Variants in WSB1 observed in about 807,000 individuals in gnomAD.
The protein encoded by WSB1 is WD repeat and SOCS box containing 1, also known as WD repeat and SOCS box-containing protein 1.
WSB1 carries 23 observed loss-of-function variants against 50.2 expected under a neutral mutation model. The observed-to-expected ratio is 0.46, with a 90% CI of 0.33 to 0.65. WSB1 has a LOEUF of 0.65. Among genes scored for constraint, WSB1 ranks in the 30% least tolerant of loss-of-function variants. The pLI is 0.02. For synonymous variants in WSB1, 179 were observed against 172.0 expected, an observed-to-expected ratio of 1.04 and a Z score of -0.32; for missense variants, 492 against 522.3, an observed-to-expected ratio of 0.94 and a Z score of 0.56.
At chr17:27,296,912 G>A (rs1455959240) in intron 1 of WSB1, among the ~76,000 whole-genome samples, 1 of 152,116 alleles carries the variant, frequency 6.6e-6, no homozygotes, top group Non-Finnish European at 1.5e-5. Context: ...AATTGTACCA[G>A]TATTTAATCT....
At chr17:27,307,629 A>G (rs1302167833) in intron 5 of WSB1, 78 of 1,076,460 alleles carry the variant, frequency 7.2e-5, no homozygotes, top group Non-Finnish European at 1.3e-6. Context: ...TTGGAAGTTT[A>G]AAGCAAGATA....
In WSB1 at chr17:27,311,558, C is replaced by G. The variant is rs1435384000; in HGVS notation, c.1048C>G (p.Pro350Ala). 6.2e-7 allele frequency: 1 copy of G among 1,611,644 alleles called. No homozygotes were observed. Among genetic ancestry groups the G allele is most frequent in the Admixed American group, 1.7e-5 (1 of 59,674 alleles). The change falls in exon 8 of 9, where the codon CCT becomes GCT. Residue 350 changes from proline (P) to alanine (A), a missense_variant. Coordinates refer to ENST00000262394, the MANE Select transcript of WSB1 (RefSeq NM_015626.10). ...TGAGGATTATCCAGTGCAAGTTGCA[C>G]CTTTGAGCAATGGTCTTTGCTGTGC... Reference protein sequence around the residue: ...IDEDYPVQVAPLSNGLCCAFS... With the variant: ...IDEDYPVQVAALSNGLCCAFS...
chr17:27,310,291 G>A lies in WSB1; in HGVS notation c.998+117G>A, dbSNP rs895170399. 40 of 842,296 alleles carry A rather than the reference G, an allele frequency of 4.7e-5. No individual in the cohort carries two copies. The African/African-American group carries it at 6.6e-4, about 14-fold the overall frequency. 52.2% of individuals were successfully genotyped at this position (842,296 alleles called of 1,614,324 possible). A position where few individuals can be genotyped will look rare whatever the true frequency, so the allele number is the denominator to read the frequency against. ...TCTTCCTCAACACAAGCCCCTGGGA[G>A]ATTTTGTTGTGTCTTAAAGAATATC... On this transcript the variant is annotated intron_variant, in intron 7 of 8. Transcript: ENST00000262394.
intron 5 of WSB1, chr17:27,308,074 G>C: frequency 8.7e-7 from 1 of 1,150,516 alleles, no homozygotes; most frequent in Non-Finnish European, 1.1e-6. Flanking sequence ...TTAATGTAAA[G>C]TATTTGGCTT....
At chr17:27,312,066 C>A (rs2017706336) in intron 8 of WSB1, 144 bp from the exon 9 acceptor site, 1 of 967,050 alleles carries the variant, frequency 1.0e-6, no homozygotes, top group Non-Finnish European at 1.5e-6. Context: ...TGGAATACAT[C>A]ATTGGTTAGT....
intron 3 of WSB1, 78 bp from the exon 4 acceptor site, chr17:27,304,702 A>AC (rs2017376016): frequency 6.9e-7 from 1 of 1,446,432 alleles, no homozygotes; most frequent in Admixed American, 1.9e-5. Flanking sequence ...ACAGAGTGAG[A>AC]CCCTGTCTCA....
chr17:27,300,145 A>G (rs1336159010), intron 1 of WSB1, among the ~76,000 whole-genome samples: 1 of 54,424 alleles, frequency 1.8e-5, no homozygotes, highest in East Asian at 3.3e-4. Flanking sequence ...GCATACATTC[A>G]GGCTGAAGAA....
At position 27,296,825 on chromosome 17, in the gene WSB1, C is replaced by T. The variant is rs57719886; in HGVS notation, c.40+2390C>T. On this transcript the variant is annotated intron_variant, in intron 1 of 8. Transcript: ENST00000262394. ...TTCTGTTGCTAACATTAAACAGTTA[C>T]AGATAATGTAATAAAGGTTTAACTT... Among the ~76,000 whole-genome samples, 258 of 152,304 alleles carry T rather than the reference C, an allele frequency of 1.7e-3. 3 individuals are homozygous for T. The East Asian group carries it at 0.034, about 20-fold the overall frequency.
intron 2 of WSB1, chr17:27,302,829 A>AT (rs2017291390): frequency 6.6e-6 from 1 of 152,188 alleles, no homozygotes; most frequent in Admixed American, 6.6e-5. Context: ...AAAATGTATC[A>AT]TGTGCTATAT....
intron 5 of WSB1, chr17:27,307,155 A>G (rs1182321195): frequency 2.4e-6 from 1 of 410,502 alleles, no homozygotes; most frequent in Admixed American, 4.0e-5. Context: ...TATGTGCTGT[A>G]GAAGAGATCT....
chr17:27,302,599 A>G (rs2017281468), intron 2 of WSB1: 2 of 151,832 alleles, frequency 1.3e-5, no homozygotes, highest in Non-Finnish European at 1.5e-5. Flanking sequence ...ACCCTGGTGC[A>G]TAGTAGTAGA....
chr17:27,298,126 G>GAAAAAAA (rs35222722), intron 1 of WSB1, among the ~76,000 whole-genome samples: 1 of 74,216 alleles, frequency 1.3e-5, no homozygotes, highest in Admixed American at 1.8e-4. Context: ...CTCCGTCTCA[G>GAAAAAAA]AAAAAAAAAA....
rs562219071 is a variant in WSB1 at position 27,301,679 on chromosome 17, C to T, written c.41-109C>T. 5 of 1,148,266 alleles carry T rather than the reference C, an allele frequency of 4.4e-6. No homozygotes were observed. In the Admixed American group the frequency reaches 8.0e-5, roughly 18 times the overall value. The allele number at this position is 1,148,266 out of a possible 1,614,324, so 71.1% of individuals were successfully genotyped here. On this transcript the variant is annotated intron_variant, in intron 1 of 8. Coordinates refer to ENST00000262394, the MANE Select transcript of WSB1 (RefSeq NM_015626.10). Reference sequence around the variant, plus strand: ...GGATGGAATGCAGAACTCACTATACCCTGTCTGCATAGAAGAGGGAAGAAA... The same window carrying T: ...GGATGGAATGCAGAACTCACTATACTCTGTCTGCATAGAAGAGGGAAGAAA...
rs373037597 is a variant in WSB1, at chr17:27,306,898, C to T, written c.711+16C>T. 2.5e-5 allele frequency: 41 copies of T among 1,608,596 alleles called. No homozygotes were observed. The African/African-American group carries it at 4.9e-4, about 19-fold the overall frequency. ...CAGTAAAGCAGTACGTGTCAAAGTT[C>T]TTGTACATTCATTATGAATTGGATT... On this transcript the variant is annotated intron_variant, in intron 5 of 8. Coordinates refer to ENST00000262394, the MANE Select transcript of WSB1 (RefSeq NM_015626.10).
rs541329671 is a variant in WSB1 at position 27,294,131 on chromosome 17, C to T, written c.-265C>T. ...TTGACTCCAGTGTCTCGTTTGCAGT[C>T]GGCGCTTTAGGGGAACTGTCTTCCT... On this transcript the variant is annotated 5_prime_UTR_variant, in exon 1 of 9. Coordinates refer to ENST00000262394, the MANE Select transcript of WSB1 (RefSeq NM_015626.10). 23 of 310,918 alleles carry T rather than the reference C, an allele frequency of 7.4e-5. No homozygotes were observed. Among genetic ancestry groups the T allele is most frequent in the African/African-American group, 4.5e-4 (21 of 46,558 alleles). The allele number at this position is 310,918 out of a possible 1,614,324, so 19.3% of individuals were successfully genotyped here.
rs1254171701 is a variant in WSB1 at position 27,306,805 on chromosome 17, G to A, written c.634G>A (p.Gly212Arg). 3.1e-6 allele frequency: 5 copies of A among 1,614,072 alleles called. No homozygotes were observed. Among genetic ancestry groups the A allele is most frequent in the Admixed American group, 3.3e-5 (2 of 59,996 alleles). The change falls in exon 5 of 9, where the codon GGG becomes AGG. Residue 212 changes from glycine (G) to arginine (R), a missense_variant. By Grantham distance (125) the Gly-to-Arg change is moderately radical. Coordinates refer to ENST00000262394, the MANE Select transcript of WSB1 (RefSeq NM_015626.10). ...AGGAAACATGATGAAAGTATTGAGG[G>A]GGCATCAGAATTGGGTGTACAGCTG... is the stretch of plus-strand genomic sequence containing the variant. The part of the protein sequence containing the change: ...DDGNMMKVLR[G>R]HQNWVYSCAF...
At chr17:27,300,696 G>GTT (rs561073047) in intron 1 of WSB1, among the ~76,000 whole-genome samples, 61 of 140,184 alleles carry the variant, frequency 4.4e-4, no homozygotes, top group African/African-American at 1.4e-3. Flanking sequence ...GGTTTTTTTT[G>GTT]TTTTTTTTTT....
chr17:27,313,281 A>G lies in WSB1; in HGVS notation c.*912A>G, dbSNP rs534892978. Reference sequence around the variant, plus strand: ...TTTTTTTTTTTTTTACTCCCCCTCTAAACACTGCTGCTGCCTTAATTTTAG... The same window carrying G: ...TTTTTTTTTTTTTTACTCCCCCTCTGAACACTGCTGCTGCCTTAATTTTAG... On this transcript the variant is annotated 3_prime_UTR_variant, in exon 9 of 9. Coordinates refer to ENST00000262394, the MANE Select transcript of WSB1 (RefSeq NM_015626.10). 6.6e-6 allele frequency: 1 copy of G among 151,956 alleles called. No homozygotes were observed. The highest frequency in any genetic ancestry group is 1.5e-5 in the Non-Finnish European group (1 of 67,850). The allele number at this position is 151,956 out of a possible 1,614,324, so 9.4% of individuals were successfully genotyped here. A position where few individuals can be genotyped will look rare whatever the true frequency, so the allele number is the denominator to read the frequency against.
At chr17:27,296,477 T>G (rs1414967847) in intron 1 of WSB1, among the ~76,000 whole-genome samples, 1 of 152,150 alleles carries the variant, frequency 6.6e-6, no homozygotes, top group African/African-American at 2.4e-5. Context: ...TTTTCTTGGG[T>G]GTTAATTAAA....
Sources: gnomAD v4.1 joint callset for allele counts (sites outside exome capture counted in the v4.1 genomes callset) on GRCh38, gnomAD v4.1.1 for gene constraint, MANE v1.5 for transcripts, NCBI Gene and HGNC (gene_info 2026-07-23, HGNC 2026-07-21) for gene names.